ANKS1B: variants seen among roughly 807,000 people sequenced by gnomAD.
ANKS1B encodes ankyrin repeat and sterile alpha motif domain-containing protein 1B.
ANKS1B carries 36 observed loss-of-function variants against 148.3 expected under a neutral mutation model. The ratio of observed to expected loss-of-function variants is 0.24; its 90% CI spans 0.19 to 0.32. The LOEUF is 0.32. ANKS1B is among the 10% of genes least tolerant of loss of function. ANKS1B has a pLI of 1.00. For synonymous variants in ANKS1B, 542 were observed against 560.8 expected, an observed-to-expected ratio of 0.97 and a Z score of 0.47; for missense variants, 1,157 against 1,542.6, an observed-to-expected ratio of 0.75 and a Z score of 4.19.
intron 10 of ANKS1B, among the ~76,000 whole-genome samples, chr12:99,459,064 T>C (rs1356473924): frequency 6.6e-6 from 1 of 152,108 alleles, no homozygotes; most frequent in Non-Finnish European, 1.5e-5. Context: ...TAATCCACCA[T>C]GATCAACTGG....
chr12:98,853,236 G>C (rs1385243469), intron 17 of ANKS1B, among the ~76,000 whole-genome samples: 1 of 152,204 alleles, frequency 6.6e-6, no homozygotes, highest in Non-Finnish European at 1.5e-5. Flanking sequence ...CAAAGGCAGA[G>C]TTTACAACTT....
chr12:98,989,963 TAAAA>T (rs902311623), intron 17 of ANKS1B, among the ~76,000 whole-genome samples: 4 of 93,418 alleles, frequency 4.3e-5, no homozygotes, highest in African/African-American at 1.2e-4. Flanking sequence ...GGAAAGAAAA[TAAAA>T]AAAAGAAAGG....
intron 10 of ANKS1B, among the ~76,000 whole-genome samples, chr12:99,493,320 A>G (rs2096572178): frequency 6.6e-6 from 1 of 152,226 alleles, no homozygotes; most frequent in East Asian, 1.9e-4. Flanking sequence ...TTTGACTGCA[A>G]TGTGAATAAT....
At chr12:99,269,703 C>A (rs1337971638) in intron 12 of ANKS1B, among the ~76,000 whole-genome samples, 1 of 152,070 alleles carries the variant, frequency 6.6e-6, no homozygotes, top group African/African-American at 2.4e-5. Context: ...GGACCACAGG[C>A]GCCCGCCACC....
At chr12:98,766,308 T>C (rs368139113) in intron 25 of ANKS1B, among the ~76,000 whole-genome samples, 6 of 152,172 alleles carry the variant, frequency 3.9e-5, no homozygotes, top group African/African-American at 1.2e-4. Flanking sequence ...AGAAGGACCA[T>C]TGGAATGCGA....
chr12:99,535,122 T>C (rs1177995116), intron 9 of ANKS1B, among the ~76,000 whole-genome samples: 2 of 152,214 alleles, frequency 1.3e-5, no homozygotes. Context: ...ATTGTGTACC[T>C]GCAAAAAGCT....
chr12:99,111,764 A>C (rs2060333391), intron 15 of ANKS1B, among the ~76,000 whole-genome samples: 1 of 151,118 alleles, frequency 6.6e-6, no homozygotes, highest in Non-Finnish European at 1.5e-5. Flanking sequence ...TTCCAATTCA[A>C]CTCTCAGGGA....
At chr12:99,896,899 T>C (rs550950186) in intron 1 of ANKS1B, among the ~76,000 whole-genome samples, 1 of 151,472 alleles carries the variant, frequency 6.6e-6, no homozygotes, top group South Asian at 2.1e-4. Flanking sequence ...AGGCAACCCC[T>C]GAGGCTTCAG....
At position 99,280,575 on chromosome 12, in the gene ANKS1B, G is replaced by A. The variant is rs376840652; in HGVS notation, c.1757-33711C>T. On this transcript the variant is annotated intron_variant, in intron 12 of 26. Transcript: ENST00000683438. ...GGATCTGTGAGGGTGTTTCTGGATGGGACTAACATTTGAACTGGTAGACTG... is the reference window on the plus strand; with the variant it reads ...GGATCTGTGAGGGTGTTTCTGGATGAGACTAACATTTGAACTGGTAGACTG... Among the ~76,000 whole-genome samples the A allele has an allele frequency of 1.1e-4, 16 of 152,014 alleles. No homozygotes were observed. The East Asian group carries it at 1.2e-3, about 11-fold the overall frequency.
At chr12:98,827,838 A>C (rs1332531580) in intron 19 of ANKS1B, among the ~76,000 whole-genome samples, 2 of 152,200 alleles carry the variant, frequency 1.3e-5, no homozygotes, top group Non-Finnish European at 2.9e-5. Flanking sequence ...TAATACACAA[A>C]GACAACATGG....
chr12:99,423,280 T>A (rs1262855741), intron 11 of ANKS1B, among the ~76,000 whole-genome samples: 1 of 152,074 alleles, frequency 6.6e-6, no homozygotes, highest in Non-Finnish European at 1.5e-5. Flanking sequence ...AAAACCACAA[T>A]GAGATATCAC....
intron 11 of ANKS1B, among the ~76,000 whole-genome samples, chr12:99,417,867 T>G (rs910015134): frequency 2.6e-5 from 4 of 152,114 alleles, no homozygotes; most frequent in Non-Finnish European, 4.4e-5. Context: ...AGAAGTCCAA[T>G]GTAACTATCA....
chr12:99,907,461 T>C (rs1487907717), intron 1 of ANKS1B, among the ~76,000 whole-genome samples: 1 of 152,164 alleles, frequency 6.6e-6, no homozygotes, highest in Admixed American at 6.5e-5. Flanking sequence ...AACCCTATGG[T>C]GGAGTTTTCA....
chr12:99,304,796 T>A (rs1253978907), intron 12 of ANKS1B, among the ~76,000 whole-genome samples: 1 of 152,138 alleles, frequency 6.6e-6, no homozygotes, highest in Non-Finnish European at 1.5e-5. Flanking sequence ...TCCATTGTAA[T>A]TTGTTCATCT....
At chr12:99,641,117 T>C (rs2098299313) in intron 9 of ANKS1B, among the ~76,000 whole-genome samples, 2 of 152,220 alleles carry the variant, frequency 1.3e-5, no homozygotes, top group African/African-American at 2.4e-5. Context: ...AGTTGTTTTA[T>C]ACTATACATA....
chr12:98,877,619 T>C lies in ANKS1B; in HGVS notation c.2779-45483A>G, dbSNP rs541383065. Among the ~76,000 whole-genome samples, 33 of 152,304 alleles carry C rather than the reference T, an allele frequency of 2.2e-4. 1 individual carries two copies. Among genetic ancestry groups the C allele is most frequent in the African/African-American group, 7.5e-4 (31 of 41,568 alleles). On this transcript the variant is annotated intron_variant, in intron 17 of 26. Coordinates refer to ENST00000683438, the MANE Select transcript of ANKS1B (RefSeq NM_001352186.2). ...GATCAAGGTTTACTGTCTCATTGTGTTTGGTTTTGGGAACGTAGTTTTGAT... is the reference window on the plus strand; with the variant it reads ...GATCAAGGTTTACTGTCTCATTGTGCTTGGTTTTGGGAACGTAGTTTTGAT...
chr12:99,127,689 G>A (rs2064827648), intron 15 of ANKS1B, among the ~76,000 whole-genome samples: 1 of 152,162 alleles, frequency 6.6e-6, no homozygotes, highest in African/African-American at 2.4e-5. Context: ...GGAAAACTCA[G>A]CCTGTTTTCT....
intron 17 of ANKS1B, among the ~76,000 whole-genome samples, chr12:99,027,008 C>A (rs1017288846): frequency 1.3e-5 from 2 of 152,168 alleles, no homozygotes; most frequent in Non-Finnish European, 2.9e-5. Context: ...TGAATGAGTA[C>A]TCTCTAATTT....
At chr12:99,802,975 C>T (rs1341786647) in intron 4 of ANKS1B, among the ~76,000 whole-genome samples, 5 of 151,078 alleles carry the variant, frequency 3.3e-5, no homozygotes, top group South Asian at 2.1e-4. Flanking sequence ...AGACAAGATC[C>T]TCAAAAGCCA....
Sources: gnomAD v4.1 joint callset for allele counts (sites outside exome capture counted in the v4.1 genomes callset) on GRCh38, gnomAD v4.1.1 for gene constraint, MANE v1.5 for transcripts, NCBI Gene and HGNC (gene_info 2026-07-23, HGNC 2026-07-21) for gene names.